SPOCK1: variants seen among roughly 807,000 people sequenced by gnomAD.
SPOCK1 encodes the protein SPARC (osteonectin), cwcv and kazal like domains proteoglycan 1.
A neutral mutation model predicts 55.3 loss-of-function variants in SPOCK1; 23 were observed. That is an observed-to-expected ratio of 0.42 (90% CI 0.30 to 0.59). The LOEUF is 0.59. Among genes scored for constraint, SPOCK1 ranks in the 20% least tolerant of loss-of-function variants. The probability of loss-of-function intolerance (pLI) is 0.22; values close to 1 mark genes in which losing one functional copy is unlikely to be tolerated. For missense variants in SPOCK1, 499 were observed against 552.5 expected, an observed-to-expected ratio of 0.90 and a Z score of 0.97; for synonymous variants, 226 against 221.0, an observed-to-expected ratio of 1.02 and a Z score of -0.20.
intron 2 of SPOCK1, among the ~76,000 whole-genome samples, chr5:137,442,584 AG>A (rs142841670): frequency 0.015 from 2,237 of 152,364 alleles, 28 homozygotes; most frequent in East Asian, 0.02. Flanking sequence ...TGTCAGATTC[AG>A]GTGTGTGCCC....
At chr5:137,086,825 A>C (rs1752970100) in intron 5 of SPOCK1, among the ~76,000 whole-genome samples, 2 of 152,016 alleles carry the variant, frequency 1.3e-5, no homozygotes, top group Non-Finnish European at 2.9e-5. Context: ...TTTCTACTAC[A>C]CCTTATTCTT....
chr5:137,168,139 T>A (rs1580787177), intron 3 of SPOCK1, among the ~76,000 whole-genome samples: 1 of 152,046 alleles, frequency 6.6e-6, no homozygotes, highest in Non-Finnish European at 1.5e-5. Flanking sequence ...CTTCAATACA[T>A]GGCACTGAGA....
intron 6 of SPOCK1, among the ~76,000 whole-genome samples, chr5:137,056,228 G>A (rs1248709333): frequency 1.3e-5 from 2 of 152,158 alleles, no homozygotes; most frequent in Admixed American, 1.3e-4. Context: ...AAGTCTGGCA[G>A]GTGAGGGGAC....
chr5:137,167,701 T>C (rs10056354), intron 3 of SPOCK1, among the ~76,000 whole-genome samples: 4,701 of 152,056 alleles, frequency 0.031, 241 homozygotes, highest in African/African-American at 0.11. Context: ...AATTAAACAA[T>C]ACGCTCCTGA....
chr5:137,263,253 G>A (rs1756783570), intron 3 of SPOCK1, among the ~76,000 whole-genome samples: 1 of 152,198 alleles, frequency 6.6e-6, no homozygotes, highest in Admixed American at 6.5e-5. Context: ...ACGCCTCAGA[G>A]TTTTTTAAGT....
At chr5:136,989,509 G>C (rs917868577) in intron 7 of SPOCK1, among the ~76,000 whole-genome samples, 1 of 152,134 alleles carries the variant, frequency 6.6e-6, no homozygotes, top group Non-Finnish European at 1.5e-5. Context: ...GTGAACGTCT[G>C]TTGCTATATA....
In SPOCK1 at chr5:137,322,934, T is replaced by C. The variant is rs540235793; in HGVS notation, c.187-55879A>G. ...CTATGTCATAACGTGGTAAAAGGAA[T>C]CATGGTGAAAGGAATCACATGGTAG... On this transcript the variant is annotated intron_variant, in intron 2 of 10. Coordinates refer to ENST00000394945, the MANE Select transcript of SPOCK1 (RefSeq NM_004598.4). Among the ~76,000 whole-genome samples the C allele has an allele frequency of 3.2e-4, 49 of 152,168 alleles. No individual in the cohort carries two copies. The South Asian group carries it at 1.0e-2, about 31-fold the overall frequency.
intron 3 of SPOCK1, among the ~76,000 whole-genome samples, chr5:137,200,621 A>C (rs190783709): frequency 1.2e-3 from 185 of 152,320 alleles, no homozygotes; most frequent in African/African-American, 3.8e-3. Context: ...GAATTTACAA[A>C]TTTGAATCCC....
rs370104926 is a variant in SPOCK1, at chr5:136,981,884, G to C, written c.992-2415C>G. On this transcript the variant is annotated intron_variant, in intron 9 of 10. Coordinates refer to ENST00000394945, the MANE Select transcript of SPOCK1 (RefSeq NM_004598.4). ...ACAGTTCTATTCCATTTTAAGTTAT[G>C]AGTATAGTCATGTGCCACATAATGA... Among the ~76,000 whole-genome samples the C allele has an allele frequency of 5.3e-5, 8 of 152,172 alleles. No homozygotes were observed. In the East Asian group the frequency reaches 7.7e-4, roughly 15 times the overall value.
At chr5:137,345,608 C>T (rs762064502) in intron 2 of SPOCK1, among the ~76,000 whole-genome samples, 5 of 152,208 alleles carry the variant, frequency 3.3e-5, no homozygotes, top group Admixed American at 1.3e-4. Flanking sequence ...CTAAGTGGCT[C>T]TTTAGCTCTG....
intron 2 of SPOCK1, among the ~76,000 whole-genome samples, chr5:137,440,703 G>T (rs1752982774): frequency 6.6e-6 from 1 of 152,168 alleles, no homozygotes; most frequent in South Asian, 2.1e-4. Context: ...TGGTTCCCTG[G>T]AAGTTATATT....
At chr5:137,131,919 C>A (rs1753887215) in intron 4 of SPOCK1, among the ~76,000 whole-genome samples, 1 of 132,400 alleles carries the variant, frequency 7.6e-6, no homozygotes. Flanking sequence ...TTGCAGTGAG[C>A]CGAGATCGCG....
intron 6 of SPOCK1, among the ~76,000 whole-genome samples, chr5:137,023,743 G>C (rs1751616399): frequency 6.6e-6 from 1 of 152,072 alleles, no homozygotes; most frequent in African/African-American, 2.4e-5. Flanking sequence ...GTCAGCCTAA[G>C]TGATTTTCTT....
intron 2 of SPOCK1, among the ~76,000 whole-genome samples, chr5:137,283,401 T>C (rs1276373224): frequency 6.6e-6 from 1 of 152,138 alleles, no homozygotes; most frequent in Non-Finnish European, 1.5e-5. Context: ...CAGAAAAGGA[T>C]GGAAAGTGAG....
rs546400979 is a variant in SPOCK1, at chr5:137,080,895, G to A, written c.475-13066C>T. ...AAAAGGAAGGTCAGAGCGAACAGAG[G>A]TCTACATCAGATCTATAACTGCTAC... On this transcript the variant is annotated intron_variant, in intron 5 of 10. Coordinates refer to ENST00000394945, the MANE Select transcript of SPOCK1 (RefSeq NM_004598.4). 1.3e-4 allele frequency among the ~76,000 whole-genome samples: 20 copies of A among 152,292 alleles called. No homozygotes were observed. The South Asian group carries it at 1.9e-3, about 14-fold the overall frequency.
intron 2 of SPOCK1, among the ~76,000 whole-genome samples, chr5:137,440,921 G>C (rs1752989320): frequency 6.6e-6 from 1 of 152,170 alleles, no homozygotes; most frequent in South Asian, 2.1e-4. Context: ...GTGCAAATGA[G>C]GCACTTATTG....
intron 2 of SPOCK1, among the ~76,000 whole-genome samples, chr5:137,372,869 T>C (rs961203865): frequency 6.6e-6 from 1 of 152,228 alleles, no homozygotes; most frequent in Non-Finnish European, 1.5e-5. Flanking sequence ...TCTTCAGTTC[T>C]TCCTCCAAGG....
At chr5:137,287,403 T>C (rs1425017171) in intron 2 of SPOCK1, among the ~76,000 whole-genome samples, 2 of 152,200 alleles carry the variant, frequency 1.3e-5, no homozygotes, top group African/African-American at 4.8e-5. Context: ...CGAGACTTCC[T>C]TGCAGTGACA....
intron 4 of SPOCK1, among the ~76,000 whole-genome samples, chr5:137,131,971 CA>C (rs1156253291): frequency 0.061 from 777 of 12,698 alleles, 16 homozygotes; most frequent in Admixed American, 0.092. Context: ...GACTCCGTCT[CA>C]AAAAAAAAAA....
Sources: allele counts gnomAD v4.1 joint callset (sites outside exome capture counted in the v4.1 genomes callset), GRCh38; gene constraint gnomAD v4.1.1; transcripts MANE v1.5; gene names NCBI Gene and HGNC (gene_info 2026-07-23, HGNC 2026-07-21).